The following SEM1 variants were observed in gnomAD, a reference collection of about 807,000 sequenced individuals.
SEM1 encodes the protein SEM1 26S proteasome subunit, also known as 26S proteasome complex subunit SEM1.
In SEM1, 3 loss-of-function variants were observed where a neutral mutation model predicts 12.7. The observed-to-expected ratio is 0.24, with a 90% CI of 0.11 to 0.61. The LOEUF is 0.61. Ranked by LOEUF, SEM1 falls within the 20% of genes least tolerant of loss-of-function variation. The pLI, the probability that SEM1 is intolerant of heterozygous loss-of-function variation, is 0.88. For missense variants in SEM1, 59 were observed against 81.3 expected (o/e 0.73, Z 1.06); for synonymous variants, 30 against 27.8 (o/e 1.08, Z -0.25).
chr7:96,709,543 G>T, intron 1 of SEM1, 145 bp downstream of exon 1: 1 of 741,214 alleles, frequency 1.3e-6, no homozygotes, highest in Non-Finnish European at 2.3e-6. Context: ...GCCACTGAGG[G>T]GTGAGCGTTA....
intron 2 of SEM1, among the ~76,000 whole-genome samples, chr7:96,690,772 A>AT (rs1381849524): frequency 6.6e-6 from 1 of 151,938 alleles, no homozygotes; most frequent in African/African-American, 2.4e-5. Flanking sequence ...ACTATACTGG[A>AT]TTTTTTTGTT....
At chr7:96,649,583 A>T (rs1308736601) in intron 2 of SEM1, 1 of 152,246 alleles carries the variant, frequency 6.6e-6, no homozygotes, top group East Asian at 1.9e-4. Context: ...CCAAGCCATC[A>T]ATAAGCTGCT....
downstream of SEM1, chr7:96,621,823 T>C (rs1439958421): frequency 2.6e-5 from 4 of 152,238 alleles, no homozygotes; most frequent in Non-Finnish European, 5.9e-5. Flanking sequence ...TATTCCTAAA[T>C]ATGACCCATC....
At position 96,617,175 on chromosome 7, in the gene SEM1, T is replaced by A. The variant is rs984409567; in HGVS notation, c.170+77623A>T. Among the ~76,000 whole-genome samples, 4 of 152,192 alleles carry A rather than the reference T, an allele frequency of 2.6e-5. No individual in the cohort carries two copies. In the East Asian group the frequency reaches 7.7e-4, roughly 29 times the overall value. On this transcript the variant is annotated intron_variant and NMD_transcript_variant, in intron 2 of 3. Coordinates refer to the SEM1 transcript ENST00000466986. ...TAATGATGGTGATTATTCCAATCCATGAGCATGGGGTGTTTTTTTCATTTG... is the reference window on the plus strand; with the variant it reads ...TAATGATGGTGATTATTCCAATCCAAGAGCATGGGGTGTTTTTTTCATTTG...
chr7:96,556,611 G>A (rs1480329195), intron 2 of SEM1, among the ~76,000 whole-genome samples: 2 of 148,498 alleles, frequency 1.3e-5, no homozygotes, highest in Non-Finnish European at 3.0e-5. Flanking sequence ...TTTCTCTCTG[G>A]CTGCCCTTAA....
chr7:96,636,208 G>A (rs1445848535), intron 2 of SEM1, among the ~76,000 whole-genome samples: 1 of 151,998 alleles, frequency 6.6e-6, no homozygotes, highest in Non-Finnish European at 1.5e-5. Context: ...ATAACACAAG[G>A]TGAAGCAAGG....
At chr7:96,642,965 T>G (rs1808660317) in intron 2 of SEM1, among the ~76,000 whole-genome samples, 2 of 152,128 alleles carry the variant, frequency 1.3e-5, no homozygotes, top group African/African-American at 4.8e-5. Context: ...AACTTTTATT[T>G]TAAGTTCAGA....
downstream of SEM1, among the ~76,000 whole-genome samples, chr7:96,617,930 AGT>A (rs1807769715): frequency 6.6e-6 from 1 of 152,032 alleles, no homozygotes; most frequent in Non-Finnish European, 1.5e-5. Context: ...TCGAATTGCT[AGT>A]GTTATTTTGA....
chr7:96,543,645 A>C (rs1424061115), intron 2 of SEM1, among the ~76,000 whole-genome samples: 1 of 152,000 alleles, frequency 6.6e-6, no homozygotes, highest in Admixed American at 6.6e-5. Context: ...GTATCATAGC[A>C]TTAACCTAAG....
intron 2 of SEM1, among the ~76,000 whole-genome samples, chr7:96,609,558 T>C (rs1206180068): frequency 1.3e-5 from 2 of 152,130 alleles, no homozygotes; most frequent in Non-Finnish European, 2.9e-5. Context: ...AGCTAGCAAA[T>C]CTTAGGATAA....
chr7:96,673,735 T>G (rs779142175), exon 3 of SEM1: 1 of 764,856 alleles, frequency 1.3e-6, no homozygotes, highest in Non-Finnish European at 2.4e-6. Context: ...GGTGGGGCCA[T>G]GAACACATAC....
chr7:96,515,051 C>G (rs1389707220), intron 2 of SEM1, among the ~76,000 whole-genome samples: 3 of 151,970 alleles, frequency 2.0e-5, no homozygotes, highest in Non-Finnish European at 4.4e-5. Context: ...ATGAAGAGAT[C>G]AATGGAAAAG....
chr7:96,575,625 C>G (rs1297792233), intron 2 of SEM1, among the ~76,000 whole-genome samples: 1 of 152,188 alleles, frequency 6.6e-6, no homozygotes, highest in African/African-American at 2.4e-5. Flanking sequence ...TCTATAAGCC[C>G]CTGACTGGGG....
chr7:96,556,353 G>A lies in SEM1; in HGVS notation c.171-49655C>T, dbSNP rs200371247. 9.9e-5 allele frequency among the ~76,000 whole-genome samples: 15 copies of A among 151,964 alleles called. No homozygotes were observed. In the South Asian group the frequency reaches 1.7e-3, roughly 17 times the overall value. On this transcript the variant is annotated intron_variant and NMD_transcript_variant, in intron 2 of 3. Transcript: ENST00000466986. The stretch of plus-strand genomic sequence containing the variant: ...CCGGTTGTTCCTTTCCATGTTTAGC[G>A]CTTCCTTCAGGAGCTCTTGTAAGGC...
chr7:96,484,849 G>A (rs1349294006), exon 3 of SEM1: 7 of 1,287,554 alleles, frequency 5.4e-6, no homozygotes, highest in Admixed American at 2.3e-5. Flanking sequence ...TTTTCTTGAG[G>A]TGGAGCTGTA....
At chr7:96,674,717 T>A (rs1419530565) in intron 2 of SEM1, among the ~76,000 whole-genome samples, 1 of 151,938 alleles carries the variant, frequency 6.6e-6, no homozygotes, top group Non-Finnish European at 1.5e-5. Context: ...TGGCAGGAAA[T>A]TTGTGGTTTC....
At chr7:96,528,211 C>T (rs1041611197) in intron 2 of SEM1, among the ~76,000 whole-genome samples, 3 of 151,956 alleles carry the variant, frequency 2.0e-5, no homozygotes, top group Non-Finnish European at 2.9e-5. Context: ...TGTTTTGTTT[C>T]GAGACAGGGT....
intron 2 of SEM1, among the ~76,000 whole-genome samples, chr7:96,576,597 T>C (rs1411985367): frequency 6.6e-6 from 1 of 152,202 alleles, no homozygotes; most frequent in Non-Finnish European, 1.5e-5. Context: ...TTTAAATACA[T>C]ATCTTGCCTT....
chr7:96,673,706 T>A (rs969023291), exon 3 of SEM1: 8 of 761,396 alleles, frequency 1.1e-5, no homozygotes, highest in Non-Finnish European at 1.9e-5. Context: ...ATCCTGTGCA[T>A]CCCAGCTCTT....
Sources: gnomAD v4.1 joint callset for allele counts (sites outside exome capture counted in the v4.1 genomes callset) on GRCh38, gnomAD v4.1.1 for gene constraint, MANE v1.5 for transcripts, NCBI Gene and HGNC (gene_info 2026-07-23, HGNC 2026-07-21) for gene names.